Variants in GTF2IRD1 observed in about 807,000 individuals in gnomAD.
GTF2IRD1 encodes the protein GTF2I repeat domain containing 1, also known as general transcription factor II-I repeat domain-containing protein 1.
In GTF2IRD1, 26 loss-of-function variants were observed where a neutral mutation model predicts 113.2. That is an observed-to-expected ratio of 0.23 (90% CI 0.17 to 0.32). The LOEUF (loss-of-function observed/expected upper bound fraction) is 0.32. Among genes scored for constraint, GTF2IRD1 ranks in the 10% least tolerant of loss-of-function variants. The pLI, the probability that GTF2IRD1 is intolerant of heterozygous loss-of-function variation, is 1.00. For missense variants in GTF2IRD1, 864 were observed against 1,280.8 expected, an observed-to-expected ratio of 0.67 and a Z score of 4.97; for synonymous variants, 484 against 529.1, an observed-to-expected ratio of 0.91 and a Z score of 1.17.
chr7:74,560,756 G>A (rs587608496), intron 22 of GTF2IRD1, among the ~76,000 whole-genome samples: 16 of 151,710 alleles, frequency 1.1e-4, no homozygotes, highest in Admixed American at 1.1e-3. Context: ...TAATTTTTGT[G>A]TTTTTAGTAG....
Position 74,558,347 on chromosome 7 carries a change from C to CTTTTTTTTTTTTTTTTTTTTTTTTTTT in GTF2IRD1, c.2108-510_2108-484dup, listed in dbSNP as rs1193682168. Among the ~76,000 whole-genome samples, 8 of 60,446 alleles carry CTTTTTTTTTTTTTTTTTTTTTTTTTTT rather than the reference C, an allele frequency of 1.3e-4. 2 individuals carry two copies. The highest frequency in any genetic ancestry group is 3.0e-4 in the African/African-American group (4 of 13,498). The allele number at this position is 60,446 out of a possible 152,430, so 39.7% of individuals were successfully genotyped here. On this transcript the variant is annotated intron_variant, in intron 20 of 26. Coordinates refer to ENST00000424337, the MANE Select transcript of GTF2IRD1 (RefSeq NM_005685.4). ...ATTGGTGTGGCTTTTTCTTTCGTTT[C>CTTTTTTTTTTTTTTTTTTTTTTTTTTT]TTTTTTTTTTTTTTTTTTTTTTTTT...
At chr7:74,533,293 C>T (rs781789404) in intron 9 of GTF2IRD1, among the ~76,000 whole-genome samples, 5 of 152,114 alleles carry the variant, frequency 3.3e-5, no homozygotes, top group Non-Finnish European at 7.4e-5. Context: ...CACCACCACA[C>T]CTGGCTAGTT....
At chr7:74,511,004 G>A (rs377477182) in intron 2 of GTF2IRD1, among the ~76,000 whole-genome samples, 4 of 151,508 alleles carry the variant, frequency 2.6e-5, no homozygotes, top group South Asian at 2.1e-4. Context: ...AGCCGAGGTC[G>A]TGCCACTGCA....
chr7:74,579,023 TC>T (rs1257661968), intron 22 of GTF2IRD1, among the ~76,000 whole-genome samples: 11 of 149,212 alleles, frequency 7.4e-5, no homozygotes, highest in African/African-American at 2.5e-4. Context: ...GAAGCATAGA[TC>T]CGTTAAAAAG....
At chr7:74,503,427 T>C (rs1166439557) in intron 1 of GTF2IRD1, among the ~76,000 whole-genome samples, 3 of 152,188 alleles carry the variant, frequency 2.0e-5, no homozygotes, top group East Asian at 1.9e-4. Context: ...GCTCTGCCTT[T>C]TGGGGGCTTC....
In GTF2IRD1 at chr7:74,558,963, T is replaced by C; in HGVS notation, c.2210T>C (p.Phe737Ser). Residue 737 changes from phenylalanine to serine, a missense_variant, in exon 21 of 27, where the codon TTC becomes TCC. By Grantham distance (155) the Phe-to-Ser change is radical (BLOSUM62 -2). Coordinates refer to ENST00000424337, the MANE Select transcript of GTF2IRD1 (RefSeq NM_005685.4). ...GAGGGGCTGCCCCCAGGAATCCCGT[T>C]CCGAAAGCCCTGTACCTTCGGCTCC... ...IIEGLPPGIP[F>S]RKPCTFGSQN... 1 of 1,614,068 alleles carries C rather than the reference T, an allele frequency of 6.2e-7. No homozygotes were observed. The highest frequency in any genetic ancestry group is 8.5e-7 in the Non-Finnish European group (1 of 1,180,008).
At chr7:74,474,537 C>T (rs1554333151) in intron 1 of GTF2IRD1, among the ~76,000 whole-genome samples, 1 of 152,148 alleles carries the variant, frequency 6.6e-6, no homozygotes, top group Non-Finnish European at 1.5e-5. Flanking sequence ...TGTAGGGGTG[C>T]AGGGCCATGT....
At chr7:74,568,051 T>C (rs868964363) in intron 22 of GTF2IRD1, among the ~76,000 whole-genome samples, 1 of 151,512 alleles carries the variant, frequency 6.6e-6, no homozygotes, top group African/African-American at 2.4e-5. Context: ...CCTCCCAAAG[T>C]GCTGGGATTA....
intron 1 of GTF2IRD1, among the ~76,000 whole-genome samples, chr7:74,478,071 G>T (rs972829033): frequency 1.6e-4 from 24 of 152,152 alleles, no homozygotes; most frequent in Non-Finnish European, 3.1e-4. Context: ...AAATACTTCT[G>T]CACCATGCAC....
At position 74,480,662 on chromosome 7, in the gene GTF2IRD1, G is replaced by T. The variant is rs188890845; in HGVS notation, c.-7+26486G>T. Reference sequence around the variant, plus strand: ...AATAACAAGGGTGGAAACCTGAACCGCGGAGCCGTCTGCCCGGCGGATCCT... The same window carrying T: ...AATAACAAGGGTGGAAACCTGAACCTCGGAGCCGTCTGCCCGGCGGATCCT... On this transcript the variant is annotated intron_variant, in intron 1 of 26. Transcript: ENST00000424337. Among the ~76,000 whole-genome samples, 499 of 152,282 alleles carry T rather than the reference G, an allele frequency of 3.3e-3. 4 individuals carry two copies. The highest frequency in any genetic ancestry group is 0.011 in the African/African-American group (476 of 41,582).
intron 8 of GTF2IRD1, among the ~76,000 whole-genome samples, chr7:74,527,059 C>G (rs1452633473): frequency 1.3e-5 from 2 of 152,030 alleles, no homozygotes; most frequent in Non-Finnish European, 2.9e-5. Flanking sequence ...AGGGCTAGGA[C>G]AGGGAGGGGC....
chr7:74,600,462 A>G (rs1554373621), intron 25 of GTF2IRD1, among the ~76,000 whole-genome samples: 1 of 152,130 alleles, frequency 6.6e-6, no homozygotes. Flanking sequence ...TAATCCCAGC[A>G]CTTTGGGAGG....
At chr7:74,544,260 G>A (rs1460309340) in intron 14 of GTF2IRD1, among the ~76,000 whole-genome samples, 11 of 152,060 alleles carry the variant, frequency 7.2e-5, no homozygotes, top group Admixed American at 5.9e-4. Flanking sequence ...GCATGACCTC[G>A]CTGCAACCTC....
At chr7:74,474,898 A>G (rs892031109) in intron 1 of GTF2IRD1, among the ~76,000 whole-genome samples, 2 of 152,128 alleles carry the variant, frequency 1.3e-5, no homozygotes, top group Admixed American at 1.3e-4. Context: ...AGACTGCTTG[A>G]GTCCAGGAGT....
chr7:74,460,142 A>AT lies in GTF2IRD1; in HGVS notation c.-7+5972dup, dbSNP rs570572354. Among the ~76,000 whole-genome samples, 253 of 151,718 alleles carry AT rather than the reference A, an allele frequency of 1.7e-3. 2 individuals carry two copies. Among genetic ancestry groups the AT allele is most frequent in the African/African-American group, 5.9e-3 (244 of 41,364 alleles). On this transcript the variant is annotated intron_variant, in intron 1 of 26. Transcript: ENST00000424337. ...AGGCACACGCCACCGTGCCCGGCTA[A>AT]TTTTTTGTATTTTTGGTGGAGATGG... is the stretch of plus-strand genomic sequence containing the variant.
chr7:74,479,554 T>C (rs1185233382), intron 1 of GTF2IRD1, among the ~76,000 whole-genome samples: 1 of 152,132 alleles, frequency 6.6e-6, no homozygotes, highest in Non-Finnish European at 1.5e-5. Context: ...GAGCAGGGCC[T>C]GGGCACAGTG....
chr7:74,478,077 T>C (rs928042012), intron 1 of GTF2IRD1, among the ~76,000 whole-genome samples: 8 of 152,178 alleles, frequency 5.3e-5, no homozygotes, highest in Non-Finnish European at 8.8e-5. Context: ...TTCTGCACCA[T>C]GCACATGAGC....
At chr7:74,492,361 T>G (rs1464070119) in intron 1 of GTF2IRD1, among the ~76,000 whole-genome samples, 1 of 151,650 alleles carries the variant, frequency 6.6e-6, no homozygotes, top group Non-Finnish European at 1.5e-5. Context: ...TAGTGGAAAC[T>G]GAGTTTCACC....
intron 17 of GTF2IRD1, among the ~76,000 whole-genome samples, 181 bp from the exon 18 acceptor site, chr7:74,554,993 T>C (rs1799510437): frequency 6.6e-6 from 1 of 152,108 alleles, no homozygotes; most frequent in Non-Finnish European, 1.5e-5. Flanking sequence ...AGCTGGATCC[T>C]TCAAGCCCAG....
Sources: allele counts gnomAD v4.1 joint callset (sites outside exome capture counted in the v4.1 genomes callset), GRCh38; gene constraint gnomAD v4.1.1; transcripts MANE v1.5; gene names NCBI Gene and HGNC (gene_info 2026-07-23, HGNC 2026-07-21).